The following PEX14 variants were observed in gnomAD, a reference collection of about 807,000 sequenced individuals.
The protein encoded by PEX14 is peroxisomal biogenesis factor 14, also known as peroxisomal membrane protein PEX14.
In PEX14, 15 loss-of-function variants were observed where a neutral mutation model predicts 49.5. The ratio of observed to expected loss-of-function variants is 0.30; its 90% CI spans 0.20 to 0.47. The LOEUF (loss-of-function observed/expected upper bound fraction) is 0.47, where lower values mean the gene tolerates loss of function less well. PEX14 is among the 20% of genes least tolerant of loss of function. The pLI, the probability that PEX14 is intolerant of heterozygous loss-of-function variation, is 1.00. For missense variants in PEX14, 398 were observed against 494.8 expected, an observed-to-expected ratio of 0.80 and a Z score of 1.86; for synonymous variants, 210 against 212.7, an observed-to-expected ratio of 0.99 and a Z score of 0.11.
intron 1 of PEX14, among the ~76,000 whole-genome samples, chr1:10,479,237 C>T (rs1423668888): frequency 6.6e-6 from 1 of 152,046 alleles, no homozygotes; most frequent in Non-Finnish European, 1.5e-5. Flanking sequence ...ATTAGCCAGG[C>T]ATGGTAGTGC....
intron 5 of PEX14, among the ~76,000 whole-genome samples, chr1:10,621,979 A>C (rs1377547865): frequency 6.6e-6 from 1 of 152,098 alleles, no homozygotes; most frequent in Admixed American, 6.5e-5. Flanking sequence ...CTTGCACTGC[A>C]CTGCCTCTGG....
At chr1:10,524,681 A>C (rs2506888) in intron 2 of PEX14, among the ~76,000 whole-genome samples, 1 of 151,296 alleles carries the variant, frequency 6.6e-6, no homozygotes, top group Admixed American at 6.6e-5. Context: ...GAATCATTTG[A>C]TTGATTGATT....
intron 3 of PEX14, among the ~76,000 whole-genome samples, chr1:10,543,412 G>C (rs1045525404): frequency 6.6e-6 from 1 of 152,170 alleles, no homozygotes; most frequent in African/African-American, 2.4e-5. Flanking sequence ...GGTATTACAG[G>C]CATGAGCCAC....
chr1:10,629,881 TG>T lies in PEX14; in HGVS notation c.1033del (p.Val345CysfsTer47). 6.2e-7 allele frequency: 1 copy of T among 1,612,628 alleles called. No individual in the cohort carries two copies. Among genetic ancestry groups the T allele is most frequent in the Non-Finnish European group, 8.5e-7 (1 of 1,179,280 alleles). ...AGCCATGTGGACGAGGAGGACTGCCTGGGGGTGCAGAGGGAGGACCGCCGGG... is the reference window on the plus strand; with the variant it reads ...AGCCATGTGGACGAGGAGGACTGCCTGGGGTGCAGAGGGAGGACCGCCGGG... ...DVSHVDEEDC[L>X]GVQREDRRGG... On this transcript the variant is annotated frameshift_variant, in exon 9 of 9. Transcript: ENST00000356607. LOFTEE classifies it high-confidence loss of function. The surrounding 1 kb of genome is among the most constrained non-coding windows in gnomAD (Gnocchi z 8.5).
At chr1:10,488,824 A>C (rs1641418522) in intron 1 of PEX14, among the ~76,000 whole-genome samples, 1 of 151,488 alleles carries the variant, frequency 6.6e-6, no homozygotes, top group Admixed American at 6.6e-5. Flanking sequence ...TTTATACCTT[A>C]CATTTCTCTT....
intron 2 of PEX14, among the ~76,000 whole-genome samples, chr1:10,525,197 C>T (rs967871954): frequency 6.6e-6 from 1 of 152,086 alleles, no homozygotes; most frequent in Non-Finnish European, 1.5e-5. Context: ...GGACTGATGT[C>T]TCTTGATTCA....
intron 3 of PEX14, among the ~76,000 whole-genome samples, chr1:10,553,503 A>C (rs10864463): frequency 6.6e-6 from 1 of 152,048 alleles, no homozygotes; most frequent in African/African-American, 2.4e-5. Context: ...GTTCTTTGAC[A>C]CCGACATTGT....
rs1410899180 is a variant in PEX14, at chr1:10,613,128, A to G, written c.299-5204A>G. On this transcript the variant is annotated intron_variant, in intron 4 of 8. Coordinates refer to ENST00000356607, the MANE Select transcript of PEX14 (RefSeq NM_004565.3). This position sits in a 1 kb window ranked among gnomAD's most constrained non-coding sequence, Gnocchi z 5.0. ...TTTCCATGGTGTGGATCGGTCTGTG[A>G]CTTGCTCAGCAAGGTTTCAGGCTCA... 6.6e-6 allele frequency among the ~76,000 whole-genome samples: 1 copy of G among 150,406 alleles called. No homozygotes were observed. The highest frequency in any genetic ancestry group is 2.5e-5 in the African/African-American group (1 of 40,806).
At chr1:10,554,619 A>G (rs1639433224) in intron 3 of PEX14, among the ~76,000 whole-genome samples, 1 of 152,176 alleles carries the variant, frequency 6.6e-6, no homozygotes, top group Non-Finnish European at 1.5e-5. Flanking sequence ...ATGCCCACAC[A>G]GTGCAGTCCA....
intron 2 of PEX14, among the ~76,000 whole-genome samples, chr1:10,499,077 G>T (rs1205558704): frequency 6.6e-6 from 1 of 152,222 alleles, no homozygotes. Flanking sequence ...TGTGCATGGG[G>T]TAATTCAGTT....
chr1:10,623,326 AT>A lies in PEX14; in HGVS notation c.487+207del. On this transcript the variant is annotated intron_variant, in intron 6 of 8. Transcript: ENST00000356607. The surrounding 1 kb of genome is among the most constrained non-coding windows in gnomAD (Gnocchi z 4.4). ...TTTACTGTCGGCGCGGCCTCAATTA[AT>A]TATGTTTTTACGGAAAGGCTCCCAA... is the stretch of plus-strand genomic sequence containing the variant. The A allele has an allele frequency of 3.6e-6, 2 of 549,026 alleles. No homozygotes were observed. The allele number at this position is 549,026 out of a possible 1,614,324, so 34.0% of individuals were successfully genotyped here.
chr1:10,576,203 T>A (rs987957089), intron 3 of PEX14, among the ~76,000 whole-genome samples: 10 of 152,172 alleles, frequency 6.6e-5, no homozygotes, highest in Non-Finnish European at 1.5e-4. Flanking sequence ...ATAAAAGTGA[T>A]TATTTTCACA....
At chr1:10,500,380 A>G (rs1208016431) in intron 2 of PEX14, among the ~76,000 whole-genome samples, 7 of 147,980 alleles carry the variant, frequency 4.7e-5, no homozygotes, top group African/African-American at 1.2e-4. Context: ...TCTCAAAAAA[A>G]AAAAAAAAAA....
intron 2 of PEX14, among the ~76,000 whole-genome samples, chr1:10,503,829 G>GT (rs1346719846): frequency 2.0e-5 from 3 of 152,078 alleles, no homozygotes; most frequent in Admixed American, 6.6e-5. Flanking sequence ...TGCCTTGGGG[G>GT]TTCAAGTGAT....
chr1:10,490,662 A>G (rs1412706479), intron 1 of PEX14, among the ~76,000 whole-genome samples: 2 of 147,334 alleles, frequency 1.4e-5, no homozygotes, highest in Admixed American at 6.8e-5. Flanking sequence ...TCCTTTTCTT[A>G]CATCGTTACA....
chr1:10,600,755 A>G (rs1047891863), intron 4 of PEX14, among the ~76,000 whole-genome samples: 4 of 152,220 alleles, frequency 2.6e-5, no homozygotes, highest in African/African-American at 9.6e-5. Context: ...TCAATACTGG[A>G]TCTGTGATCT....
intron 3 of PEX14, among the ~76,000 whole-genome samples, chr1:10,565,265 T>C (rs1316793676): frequency 1.2e-4 from 19 of 152,200 alleles, no homozygotes. Flanking sequence ...CTCTGAAAGA[T>C]ACTATTTTCC....
intron 1 of PEX14, among the ~76,000 whole-genome samples, chr1:10,493,229 G>A (rs1458960482): frequency 6.6e-6 from 1 of 152,102 alleles, no homozygotes; most frequent in African/African-American, 2.4e-5. Context: ...TGTGTTTACT[G>A]GGGTGAGTGG....
chr1:10,559,872 G>A (rs1639600813), intron 3 of PEX14, among the ~76,000 whole-genome samples: 1 of 152,152 alleles, frequency 6.6e-6, no homozygotes, highest in African/African-American at 2.4e-5. Flanking sequence ...GGAGCTGCGA[G>A]GCTGAGTTCT....
Sources: allele counts gnomAD v4.1 joint callset (sites outside exome capture counted in the v4.1 genomes callset), GRCh38; gene constraint gnomAD v4.1.1; non-coding constraint Gnocchi (gnomAD v3.1); transcripts MANE v1.5; gene names NCBI Gene and HGNC (gene_info 2026-07-23, HGNC 2026-07-21).